Variants in SPON1 observed in about 807,000 individuals in gnomAD.
SPON1 encodes spondin 1, also known as spondin-1.
SPON1 carries 52 observed loss-of-function variants against 111.7 expected under a neutral mutation model. The observed-to-expected ratio is 0.47, with a 90% CI of 0.37 to 0.59. SPON1 has a LOEUF of 0.59. Ranked by LOEUF, SPON1 falls within the 20% of genes least tolerant of loss-of-function variation. The pLI, the probability that SPON1 is intolerant of heterozygous loss-of-function variation, is 0.00. For missense variants in SPON1, 957 were observed against 1,068.5 expected (o/e 0.90, Z 1.46); for synonymous variants, 410 against 395.8 (o/e 1.04, Z -0.43).
chr11:14,246,281 C>T, intron 7 of SPON1, among the ~76,000 whole-genome samples: 1 of 152,154 alleles, frequency 6.6e-6, no homozygotes, highest in Non-Finnish European at 1.5e-5. Context: ...CTTCAGCATC[C>T]CCTTGGGTCC....
chr11:14,119,499 T>C (rs1241279355), intron 5 of SPON1, among the ~76,000 whole-genome samples: 2 of 152,138 alleles, frequency 1.3e-5, no homozygotes, highest in African/African-American at 4.8e-5. Context: ...AAATTGACTC[T>C]CAAAGCTTCA....
intron 5 of SPON1, among the ~76,000 whole-genome samples, chr11:14,101,763 G>A (rs782324420): frequency 6.6e-6 from 1 of 152,116 alleles, no homozygotes; most frequent in African/African-American, 2.4e-5. Flanking sequence ...TTATCCCTAG[G>A]CCACTCATTC....
At chr11:14,257,297 A>T (rs1265650126) in intron 10 of SPON1, among the ~76,000 whole-genome samples, 1 of 152,190 alleles carries the variant, frequency 6.6e-6, no homozygotes, top group Non-Finnish European at 1.5e-5. Flanking sequence ...CATGATGAGT[A>T]CTCAATGAAT....
intron 3 of SPON1, 45 bp from the exon 4 acceptor site, chr11:14,075,300 T>G (rs1554921309): frequency 6.7e-7 from 1 of 1,489,118 alleles, no homozygotes; most frequent in Admixed American, 2.0e-5. Context: ...CAAACCTGCC[T>G]TCCTGCCCTC....
chr11:13,996,705 A>ATGTG (rs200436190), intron 2 of SPON1, among the ~76,000 whole-genome samples: 1,517 of 151,400 alleles, frequency 0.01, 36 homozygotes, highest in African/African-American at 0.034. Flanking sequence ...AAACACACCT[A>ATGTG]TGTGTGTATA....
intron 5 of SPON1, among the ~76,000 whole-genome samples, chr11:14,089,578 T>TG (rs1201438533): frequency 6.6e-6 from 1 of 152,212 alleles, no homozygotes; most frequent in East Asian, 1.9e-4. Context: ...CAACCCCTGC[T>TG]GGGAGGTCTC....
At chr11:14,042,761 C>T (rs1554917431) in intron 3 of SPON1, among the ~76,000 whole-genome samples, 1 of 152,118 alleles carries the variant, frequency 6.6e-6, no homozygotes, top group Admixed American at 6.6e-5. Flanking sequence ...GAGGAGATCC[C>T]GATAAGAAAG....
intron 3 of SPON1, among the ~76,000 whole-genome samples, chr11:14,069,627 G>A (rs1554920691): frequency 6.6e-6 from 1 of 152,002 alleles, no homozygotes; most frequent in East Asian, 1.9e-4. Context: ...GGAAGTCATC[G>A]TTTCTTATTC....
At chr11:14,011,666 C>T (rs1210849518) in intron 2 of SPON1, among the ~76,000 whole-genome samples, 1 of 152,148 alleles carries the variant, frequency 6.6e-6, no homozygotes, top group Non-Finnish European at 1.5e-5. Flanking sequence ...AACTAGCTCA[C>T]ATTTCCCCAC....
chr11:14,219,267 T>C (rs966229540), intron 6 of SPON1, among the ~76,000 whole-genome samples: 12 of 152,196 alleles, frequency 7.9e-5, no homozygotes, highest in African/African-American at 2.9e-4. Context: ...TTCAATTTTA[T>C]TGAAAAGCAG....
intron 6 of SPON1, among the ~76,000 whole-genome samples, chr11:14,183,586 A>C (rs1848257685): frequency 6.6e-6 from 1 of 152,234 alleles, no homozygotes; most frequent in South Asian, 2.1e-4. Context: ...AGAGGGAGAA[A>C]TAAGTGAACA....
chr11:14,233,409 G>A (rs1280345316), intron 6 of SPON1, among the ~76,000 whole-genome samples: 1 of 152,098 alleles, frequency 6.6e-6, no homozygotes, highest in Non-Finnish European at 1.5e-5. Flanking sequence ...GCAGCCAGCA[G>A]GATCCTTTAA....
chr11:14,157,349 A>C (rs1458060736), intron 6 of SPON1, among the ~76,000 whole-genome samples: 3 of 152,142 alleles, frequency 2.0e-5, no homozygotes, highest in Admixed American at 2.0e-4. Flanking sequence ...AGTATTTTTA[A>C]GGCATCACTT....
intron 2 of SPON1, among the ~76,000 whole-genome samples, chr11:14,008,329 G>C (rs534132871): frequency 6.6e-6 from 1 of 151,932 alleles, no homozygotes; most frequent in Non-Finnish European, 1.5e-5. Context: ...ATTGTATTTC[G>C]CGGGGACATT....
At chr11:14,150,251 A>G (rs1013217180) in intron 6 of SPON1, among the ~76,000 whole-genome samples, 2 of 152,112 alleles carry the variant, frequency 1.3e-5, no homozygotes, top group Admixed American at 6.6e-5. Context: ...GCTCTCACTC[A>G]TATGTGGGAG....
chr11:14,154,757 T>G (rs1204577790), intron 6 of SPON1, among the ~76,000 whole-genome samples: 17 of 152,226 alleles, frequency 1.1e-4, no homozygotes, highest in Admixed American at 1.1e-3. Context: ...TTTTCCAAAC[T>G]TTTATGCTGT....
At chr11:14,197,488 A>AAAAG (rs1848414797) in intron 6 of SPON1, among the ~76,000 whole-genome samples, 1 of 144,954 alleles carries the variant, frequency 6.9e-6, no homozygotes, top group Admixed American at 6.9e-5. Context: ...GTCCTCTTTA[A>AAAAG]AAATAAATAA....
intron 2 of SPON1, among the ~76,000 whole-genome samples, chr11:14,032,853 C>T (rs187340455): frequency 1.6e-4 from 24 of 152,260 alleles, no homozygotes; most frequent in African/African-American, 5.8e-4. Flanking sequence ...CCCTATACTC[C>T]CTGACTCAAC....
At chr11:14,063,159 A>C (rs1261831193) in intron 3 of SPON1, among the ~76,000 whole-genome samples, 2 of 152,206 alleles carry the variant, frequency 1.3e-5, no homozygotes, top group African/African-American at 4.8e-5. Flanking sequence ...CTTAGGATAT[A>C]GATTTTTACT....
Sources: gnomAD v4.1 joint callset for allele counts (sites outside exome capture counted in the v4.1 genomes callset) on GRCh38, gnomAD v4.1.1 for gene constraint, MANE v1.5 for transcripts, NCBI Gene and HGNC (gene_info 2026-07-23, HGNC 2026-07-21) for gene names.